Variants in SUMF1 observed in about 807,000 individuals in gnomAD.
The protein encoded by SUMF1 is sulfatase modifying factor 1.
Under a neutral mutation model 47.6 loss-of-function variants are expected in SUMF1, and 48 were observed. The ratio of observed to expected loss-of-function variants is 1.01; its 90% CI spans 0.80 to 1.28. The LOEUF is 1.28. SUMF1 is among the 50% of genes most tolerant of loss of function. The probability of loss-of-function intolerance (pLI) is 0.00; values close to 1 mark genes in which losing one functional copy is unlikely to be tolerated. For synonymous variants in SUMF1, 230 were observed against 192.1 expected (o/e 1.20, Z -1.63); for missense variants, 571 against 485.4 (o/e 1.18, Z -1.66).
chr3:4,041,479 C>T (rs929824995), intron 9 of SUMF1, among the ~76,000 whole-genome samples: 5 of 152,168 alleles, frequency 3.3e-5, no homozygotes, highest in Non-Finnish European at 7.3e-5. Context: ...AGAGCTTCAG[C>T]ACTGCAATCC....
At chr3:4,402,083 T>C (rs544679043) in intron 7 of SUMF1, among the ~76,000 whole-genome samples, 1 of 152,116 alleles carries the variant, frequency 6.6e-6, no homozygotes, top group Non-Finnish European at 1.5e-5. Flanking sequence ...GCATTTACTT[T>C]GGGTATGGAA....
rs140771104 is a variant in SUMF1 at position 4,388,312 on chromosome 3, C to T, written c.955-11923G>A. Among the ~76,000 whole-genome samples the T allele has an allele frequency of 3.1e-3, 475 of 152,116 alleles. 3 individuals carry two copies. The highest frequency in any genetic ancestry group is 0.01 in the Middle Eastern group (3 of 294). Reference sequence around the variant, plus strand: ...GGATTAACCATTTTATCATTATATACGTTCTTCCTCAACTCTGGTAAATTT... The same window carrying T: ...GGATTAACCATTTTATCATTATATATGTTCTTCCTCAACTCTGGTAAATTT... On this transcript the variant is annotated intron_variant, in intron 7 of 8. Transcript: ENST00000272902.
chr3:4,165,177 C>T (rs777591045), intron 8 of SUMF1, among the ~76,000 whole-genome samples: 5 of 152,076 alleles, frequency 3.3e-5, no homozygotes, highest in South Asian at 2.1e-4. Flanking sequence ...CAGCTAAAGC[C>T]GCATTCTTTT....
chr3:4,200,392 G>T (rs1007371351), intron 8 of SUMF1, among the ~76,000 whole-genome samples: 3 of 151,940 alleles, frequency 2.0e-5, no homozygotes, highest in Admixed American at 6.6e-5. Context: ...TGGGAGCCCA[G>T]ATAAAACAAA....
At chr3:4,437,163 A>G (rs1348903027) in intron 3 of SUMF1, among the ~76,000 whole-genome samples, 1 of 152,220 alleles carries the variant, frequency 6.6e-6, no homozygotes, top group Non-Finnish European at 1.5e-5. Context: ...TTATAGGAGT[A>G]AAGAAATACT....
chr3:4,389,720 TC>T (rs1011388292), intron 7 of SUMF1, among the ~76,000 whole-genome samples: 20 of 152,260 alleles, frequency 1.3e-4, no homozygotes, highest in Admixed American at 3.3e-4. Flanking sequence ...CACTGATTTT[TC>T]CCCCCTCTGT....
At chr3:4,222,342 C>T (rs1320579052) in intron 8 of SUMF1, among the ~76,000 whole-genome samples, 1 of 152,088 alleles carries the variant, frequency 6.6e-6, no homozygotes, top group Non-Finnish European at 1.5e-5. Flanking sequence ...GCCTGTACAA[C>T]TTGTTGCCAC....
intron 8 of SUMF1, among the ~76,000 whole-genome samples, chr3:4,294,748 G>A (rs4468958): frequency 0.33 from 49,391 of 151,742 alleles, 9,231 homozygotes; most frequent in Non-Finnish European, 0.43. Context: ...TTTCACTCCC[G>A]AGAATACTGG....
Position 4,449,487 on chromosome 3 carries a change from G to T in SUMF1, c.445-147C>A, listed in dbSNP as rs1032763272. ...ATGACTTCCCAGAGGACTCAGAAAT[G>T]ACCTAAAAGTCTCTGGCTTCCTCTT... is the stretch of plus-strand genomic sequence containing the variant. On this transcript the variant is annotated intron_variant, in intron 2 of 8. Transcript: ENST00000272902. The T allele has an allele frequency of 1.2e-5, 10 of 828,242 alleles. No homozygotes were observed. In the African/African-American group the frequency reaches 1.4e-4, roughly 11 times the overall value. The allele number at this position is 828,242 out of a possible 1,614,324, so 51.3% of individuals were successfully genotyped here.
chr3:4,245,220 C>G (rs1488958796), intron 8 of SUMF1, among the ~76,000 whole-genome samples: 1 of 151,548 alleles, frequency 6.6e-6, no homozygotes, highest in African/African-American at 2.4e-5. Flanking sequence ...TTATTACTGA[C>G]TTTCTGAAGC....
chr3:4,237,382 T>C (rs1209447556), intron 8 of SUMF1, among the ~76,000 whole-genome samples: 2 of 152,146 alleles, frequency 1.3e-5, no homozygotes, highest in African/African-American at 2.4e-5. Flanking sequence ...TGACATATGA[T>C]GTTGAACATA....
At position 4,056,397 on chromosome 3, in the gene SUMF1, G is replaced by T. The variant is rs114836353; in HGVS notation, c.1191+12172C>A. Among the ~76,000 whole-genome samples the T allele has an allele frequency of 3.3e-3, 498 of 152,202 alleles. 3 individuals carry two copies. The highest frequency in any genetic ancestry group is 6.8e-3 in the Middle Eastern group (2 of 294). ...AAATATTAACAATATTTATTGGTCA[G>T]ACATGGTGGTTCATGCCTGTAACCT... On this transcript the variant is annotated intron_variant and NMD_transcript_variant, in intron 9 of 12. Transcript: ENST00000448413.
At chr3:4,220,317 T>C (rs930369302) in intron 8 of SUMF1, among the ~76,000 whole-genome samples, 3 of 152,078 alleles carry the variant, frequency 2.0e-5, no homozygotes, top group Admixed American at 2.0e-4. Flanking sequence ...TTGAGTTCCT[T>C]TGCTAAATTC....
In SUMF1 at chr3:4,336,463, A is replaced by T. The variant is rs1054343888; in HGVS notation, c.1014+39867T>A. On this transcript the variant is annotated intron_variant and NMD_transcript_variant, in intron 8 of 12. Transcript: ENST00000448413. The stretch of plus-strand genomic sequence containing the variant: ...GGAGTAGAGCAAATGAGGCTATGAC[A>T]CGGGTTGTGAAATTACAGTTATCTA... Among the ~76,000 whole-genome samples, 4 of 152,208 alleles carry T rather than the reference A, an allele frequency of 2.6e-5. No homozygotes were observed. The South Asian group carries it at 8.3e-4, about 32-fold the overall frequency.
At chr3:4,194,129 C>A (rs1695379795) in intron 8 of SUMF1, among the ~76,000 whole-genome samples, 1 of 152,028 alleles carries the variant, frequency 6.6e-6, no homozygotes, top group Non-Finnish European at 1.5e-5. Context: ...AGCCACTAGG[C>A]ACTTATAGAT....
rs144421154 is a variant in SUMF1, at chr3:4,089,964, G to A, written c.1015-21219C>T. On this transcript the variant is annotated intron_variant and NMD_transcript_variant, in intron 8 of 12. Coordinates refer to the SUMF1 transcript ENST00000448413. ...ATTCTTTCAGGGCACTTATTTCAGC[G>A]GTAGTTACACAATTATCTTTTTATT... Among the ~76,000 whole-genome samples, 244 of 152,076 alleles carry A rather than the reference G, an allele frequency of 1.6e-3. 1 individual carries two copies. Among genetic ancestry groups the A allele is most frequent in the Admixed American group, 6.8e-3 (104 of 15,274 alleles).
intron 8 of SUMF1, among the ~76,000 whole-genome samples, chr3:4,290,694 T>C (rs933576983): frequency 1.3e-5 from 2 of 152,164 alleles, no homozygotes; most frequent in African/African-American, 4.8e-5. Flanking sequence ...CATGCTGCCT[T>C]ATCTGGTTCT....
intron 8 of SUMF1, among the ~76,000 whole-genome samples, chr3:4,178,155 A>G (rs1312340212): frequency 6.6e-6 from 1 of 152,182 alleles, no homozygotes; most frequent in African/African-American, 2.4e-5. Flanking sequence ...TATTCCAATC[A>G]ATAGAAAAAG....
chr3:4,459,374 A>G (rs2079751162), intron 1 of SUMF1, among the ~76,000 whole-genome samples: 1 of 152,184 alleles, frequency 6.6e-6, no homozygotes, highest in African/African-American at 2.4e-5. Context: ...GAAAGGGGAA[A>G]AAAAAGAAGT....
Sources: allele counts gnomAD v4.1 joint callset (sites outside exome capture counted in the v4.1 genomes callset), GRCh38; gene constraint gnomAD v4.1.1; transcripts MANE v1.5; gene names NCBI Gene and HGNC (gene_info 2026-07-23, HGNC 2026-07-21).